Variants in GPC5 observed in about 807,000 individuals in gnomAD.
GPC5 encodes glypican-5.
Under a neutral mutation model 53.9 loss-of-function variants are expected in GPC5, and 47 were observed. The ratio of observed to expected loss-of-function variants is 0.87; its 90% CI spans 0.69 to 1.11. GPC5 has a LOEUF of 1.11. Ranked by LOEUF, GPC5 falls within the 50% of genes most tolerant of loss-of-function variation. The pLI is 0.00. For synonymous variants in GPC5, 286 were observed against 263.3 expected, an observed-to-expected ratio of 1.09 and a Z score of -0.84; for missense variants, 748 against 713.1, an observed-to-expected ratio of 1.05 and a Z score of -0.56.
At chr13:92,143,901 T>A (rs2041848290) in intron 6 of GPC5, among the ~76,000 whole-genome samples, 1 of 152,146 alleles carries the variant, frequency 6.6e-6, no homozygotes, top group Non-Finnish European at 1.5e-5. Flanking sequence ...TAAAGTGCTG[T>A]GAAAATTTAA....
At chr13:92,223,301 G>A (rs896027377) in intron 7 of GPC5, among the ~76,000 whole-genome samples, 1 of 152,092 alleles carries the variant, frequency 6.6e-6, no homozygotes, top group Non-Finnish European at 1.5e-5. Context: ...AGTAATTTTA[G>A]CTGAAAATAT....
At chr13:92,199,117 G>A (rs557729849) in intron 7 of GPC5, among the ~76,000 whole-genome samples, 1 of 152,324 alleles carries the variant, frequency 6.6e-6, no homozygotes, top group East Asian at 1.9e-4. Flanking sequence ...ACTAAAGCTA[G>A]GGCATGAGGC....
At chr13:92,381,889 T>TCATATATATCGTATATATGA (rs753025655) in intron 7 of GPC5, among the ~76,000 whole-genome samples, 1 of 122,178 alleles carries the variant, frequency 8.2e-6, no homozygotes, top group Non-Finnish European at 1.7e-5. Flanking sequence ...ATTATATATA[T>TCATATATATCGTATATATGA]TATATATAAT....
At chr13:92,160,124 G>A (rs1179379821) in intron 7 of GPC5, among the ~76,000 whole-genome samples, 4 of 151,268 alleles carry the variant, frequency 2.6e-5, no homozygotes, top group African/African-American at 9.7e-5. Flanking sequence ...TGGTCAGGCT[G>A]TTCTCAAACT....
At chr13:92,171,508 T>C (rs761375315) in intron 7 of GPC5, among the ~76,000 whole-genome samples, 6 of 152,172 alleles carry the variant, frequency 3.9e-5, no homozygotes, top group Non-Finnish European at 8.8e-5. Context: ...TGATATTCTT[T>C]TGCTCCTCAA....
chr13:91,991,212 T>C (rs2040453315), intron 6 of GPC5, among the ~76,000 whole-genome samples: 1 of 152,220 alleles, frequency 6.6e-6, no homozygotes, highest in Non-Finnish European at 1.5e-5. Context: ...CTTACCACCT[T>C]TCACAGCCCT....
chr13:92,564,614 C>T (rs952227146), intron 7 of GPC5, among the ~76,000 whole-genome samples: 1 of 151,898 alleles, frequency 6.6e-6, no homozygotes, highest in Non-Finnish European at 1.5e-5. Flanking sequence ...ACAAATGTTA[C>T]CGTCACCCAG....
intron 5 of GPC5, among the ~76,000 whole-genome samples, chr13:91,850,182 C>T (rs975036481): frequency 4.6e-5 from 7 of 152,262 alleles, no homozygotes; most frequent in African/African-American, 1.7e-4. Flanking sequence ...TGATAACCAA[C>T]ATCAATTAAT....
chr13:91,728,024 A>C (rs1274722854), intron 3 of GPC5, among the ~76,000 whole-genome samples: 1 of 152,180 alleles, frequency 6.6e-6, no homozygotes, highest in African/African-American at 2.4e-5. Context: ...ATGCAGAACT[A>C]TTATACAAGG....
At chr13:92,517,425 G>C (rs998385298) in intron 7 of GPC5, among the ~76,000 whole-genome samples, 2 of 152,328 alleles carry the variant, frequency 1.3e-5, no homozygotes, top group South Asian at 2.1e-4. Flanking sequence ...GCCTAACTGG[G>C]AGGCACCTCC....
At chr13:92,749,345 TTGGTAAATCA>T (rs930653362) in intron 7 of GPC5, among the ~76,000 whole-genome samples, 4 of 152,116 alleles carry the variant, frequency 2.6e-5, no homozygotes, top group Non-Finnish European at 4.4e-5. Context: ...AGGTTGAAGT[TTGGTAAATCA>T]TGTTGTATTA....
chr13:91,674,695 T>G (rs138362623), intron 2 of GPC5, among the ~76,000 whole-genome samples: 1 of 142,292 alleles, frequency 7.0e-6, no homozygotes, highest in Non-Finnish European at 1.5e-5. Context: ...TGTATATATA[T>G]GTATATATAT....
chr13:92,382,213 G>T (rs577357281), intron 7 of GPC5, among the ~76,000 whole-genome samples: 6 of 152,044 alleles, frequency 3.9e-5, no homozygotes, highest in Admixed American at 1.3e-4. Context: ...TGGGGACTTG[G>T]GGGGAAGAGT....
intron 2 of GPC5, among the ~76,000 whole-genome samples, chr13:91,595,386 G>C (rs1184696848): frequency 1.3e-5 from 2 of 151,974 alleles, no homozygotes; most frequent in African/African-American, 2.4e-5. Context: ...GTATAAGCTG[G>C]CTCATCACAA....
At chr13:91,849,597 A>T (rs748466730) in intron 5 of GPC5, among the ~76,000 whole-genome samples, 30 of 152,152 alleles carry the variant, frequency 2.0e-4, no homozygotes, top group Non-Finnish European at 4.1e-4. Flanking sequence ...CTGAACTTTA[A>T]TGTATACTCT....
intron 2 of GPC5, among the ~76,000 whole-genome samples, chr13:91,578,890 T>TA (rs1486621625): frequency 6.6e-6 from 1 of 151,558 alleles, no homozygotes. Context: ...TATAAAAACA[T>TA]AAAAAAATTA....
At chr13:91,945,935 G>A (rs1455341137) in intron 6 of GPC5, among the ~76,000 whole-genome samples, 2 of 152,086 alleles carry the variant, frequency 1.3e-5, no homozygotes, top group Non-Finnish European at 2.9e-5. Context: ...GCCCCAGTGA[G>A]CATTTTTTAG....
In GPC5 at chr13:92,127,416, TA is replaced by T. The variant is rs201010595; in HGVS notation, c.1402-17404del. On this transcript the variant is annotated intron_variant, in intron 6 of 7. Coordinates refer to ENST00000377067, the MANE Select transcript of GPC5 (RefSeq NM_004466.6). Reference sequence around the variant, plus strand: ...AAGTATGAATTGAACTTATACAGGGTAAAAAAAAAATCCAATGATTTAAAAT... The same window carrying T: ...AAGTATGAATTGAACTTATACAGGGTAAAAAAAAATCCAATGATTTAAAAT... 4.0e-4 allele frequency among the ~76,000 whole-genome samples: 60 copies of T among 149,736 alleles called. 1 individual carries two copies. The highest frequency in any genetic ancestry group is 3.7e-3 in the East Asian group (19 of 5,122).
rs1008092963 is a variant in GPC5 at position 92,317,469 on chromosome 13, G to GT, written c.1561+172487dup. 1.1e-4 allele frequency among the ~76,000 whole-genome samples: 16 copies of GT among 149,476 alleles called. No individual in the cohort carries two copies. The East Asian group carries it at 1.2e-3, about 11-fold the overall frequency. ...ATGTGTTCTTGTTTTTACCTTTTCC[G>GT]TTTTTTTGTTTTTTGTTTTTTGTTT... On this transcript the variant is annotated intron_variant, in intron 7 of 7. Coordinates refer to ENST00000377067, the MANE Select transcript of GPC5 (RefSeq NM_004466.6).
Sources: gnomAD v4.1 joint callset for allele counts (sites outside exome capture counted in the v4.1 genomes callset) on GRCh38, gnomAD v4.1.1 for gene constraint, MANE v1.5 for transcripts, NCBI Gene and HGNC (gene_info 2026-07-23, HGNC 2026-07-21) for gene names.